DPH6: variants seen among roughly 807,000 people sequenced by gnomAD.
DPH6 encodes diphthine--ammonia ligase.
DPH6 carries 33 observed loss-of-function variants against 38.2 expected under a neutral mutation model. The observed-to-expected ratio is 0.86, with a 90% CI of 0.65 to 1.15. The LOEUF (loss-of-function observed/expected upper bound fraction) is 1.15. DPH6 is among the 50% of genes most tolerant of loss of function. DPH6 has a pLI of 0.00. For synonymous variants in DPH6, 108 were observed against 103.0 expected (o/e 1.05, Z -0.30); for missense variants, 325 against 320.0 (o/e 1.02, Z -0.12).
chr15:35,237,074 G>A, intron 3 of DPH6: 1 of 506,900 alleles, frequency 2.0e-6, no homozygotes, highest in Non-Finnish European at 3.5e-6. Flanking sequence ...CATGCACATA[G>A]GCATTGTTTT....
chr15:35,258,116 G>A (rs1190084765), intron 3 of DPH6, among the ~76,000 whole-genome samples: 1 of 152,034 alleles, frequency 6.6e-6, no homozygotes, highest in Non-Finnish European at 1.5e-5. Context: ...TTTGGGCAAG[G>A]TGTTATTCTT....
chr15:35,177,351 G>T, the DPH6 span, among the ~76,000 whole-genome samples: 1 of 151,770 alleles, frequency 6.6e-6, no homozygotes, highest in Non-Finnish European at 1.5e-5. Flanking sequence ...GAGGTAGGGG[G>T]ATGACTTGAG....
chr15:35,298,655 G>C (rs988757274), intron 3 of DPH6: 2 of 1,295,920 alleles, frequency 1.5e-6, no homozygotes, highest in African/African-American at 2.9e-5. Context: ...CTTCTCCACC[G>C]AAAAGGCGGT....
the DPH6 span, among the ~76,000 whole-genome samples, chr15:35,147,221 G>A: frequency 6.6e-6 from 1 of 152,108 alleles, no homozygotes; most frequent in South Asian, 2.1e-4. Flanking sequence ...GGAGCAGGGA[G>A]GTTATAGAAA....
chr15:35,532,649 C>T (rs1232610080), intron 3 of DPH6, among the ~76,000 whole-genome samples: 1 of 152,040 alleles, frequency 6.6e-6, no homozygotes, highest in Non-Finnish European at 1.5e-5. Context: ...GTTTAGTTTA[C>T]CATGCCAGTG....
chr15:35,231,380 G>A (rs564348039), intron 3 of DPH6, among the ~76,000 whole-genome samples: 19 of 152,334 alleles, frequency 1.2e-4, no homozygotes, highest in Middle Eastern at 6.8e-3. Flanking sequence ...CTGCTTCCGG[G>A]AAATGGAAGG....
At chr15:35,470,296 G>A (rs999417239) in intron 3 of DPH6, among the ~76,000 whole-genome samples, 7 of 152,032 alleles carry the variant, frequency 4.6e-5, no homozygotes, top group Non-Finnish European at 8.8e-5. Context: ...TATCACAGAC[G>A]CCAAGGTCAA....
chr15:35,218,890 T>C (rs1195076082), exon 4 of DPH6: 1 of 152,150 alleles, frequency 6.6e-6, no homozygotes, highest in Non-Finnish European at 1.5e-5. Context: ...GAGTCCATAT[T>C]GAAATCCTTA....
At chr15:35,396,377 C>T (rs2053133182) in intron 6 of DPH6, 1 of 151,860 alleles carries the variant, frequency 6.6e-6, no homozygotes, top group Non-Finnish European at 1.5e-5. Context: ...TAGTCTTGGG[C>T]TTTAACGCTG....
chr15:35,253,684 G>A (rs1294192285), intron 3 of DPH6, among the ~76,000 whole-genome samples: 1 of 152,048 alleles, frequency 6.6e-6, no homozygotes, highest in Non-Finnish European at 1.5e-5. Flanking sequence ...CAATTTTGAC[G>A]CATCTTTTTA....
chr15:35,216,336 A>C (rs1158686865), downstream of DPH6, among the ~76,000 whole-genome samples: 1 of 152,242 alleles, frequency 6.6e-6, no homozygotes, highest in African/African-American at 2.4e-5. Context: ...AGATGTTTTG[A>C]TAGTATATAG....
At chr15:35,388,335 A>G (rs1312615363) in intron 6 of DPH6, among the ~76,000 whole-genome samples, 1 of 152,184 alleles carries the variant, frequency 6.6e-6, no homozygotes, top group Non-Finnish European at 1.5e-5. Flanking sequence ...AGGCTTTGGT[A>G]TCAGGATGAT....
At chr15:35,275,554 G>A (rs2051852193) in intron 3 of DPH6, among the ~76,000 whole-genome samples, 1 of 151,982 alleles carries the variant, frequency 6.6e-6, no homozygotes, top group Admixed American at 6.6e-5. Context: ...CCTGTCAGGG[G>A]GTGGGGAGCA....
At chr15:35,405,720 ACTTC>A (rs2053283132) in intron 6 of DPH6, among the ~76,000 whole-genome samples, 1 of 152,040 alleles carries the variant, frequency 6.6e-6, no homozygotes, top group Middle Eastern at 3.2e-3. Context: ...TCTAGCTAAG[ACTTC>A]CAGTACTATG....
chr15:35,462,443 T>C (rs575176682), intron 3 of DPH6, among the ~76,000 whole-genome samples: 38 of 152,318 alleles, frequency 2.5e-4, no homozygotes, highest in African/African-American at 8.7e-4. Context: ...CACCAACTAC[T>C]GCACTCCCAA....
intron 3 of DPH6, among the ~76,000 whole-genome samples, chr15:35,533,840 C>A (rs1040287002): frequency 2.0e-5 from 3 of 151,878 alleles, no homozygotes; most frequent in Non-Finnish European, 2.9e-5. Flanking sequence ...GCACAGACAG[C>A]CATAATCTAC....
chr15:35,228,367 A>G (rs969221307), intron 3 of DPH6, among the ~76,000 whole-genome samples: 3 of 152,212 alleles, frequency 2.0e-5, no homozygotes, highest in Non-Finnish European at 2.9e-5. Context: ...TTTATACACT[A>G]CAGTTACAGT....
intron 3 of DPH6, among the ~76,000 whole-genome samples, chr15:35,470,001 C>T (rs948301973): frequency 2.0e-5 from 3 of 152,096 alleles, no homozygotes; most frequent in African/African-American, 7.2e-5. Context: ...AGTTTGAGAC[C>T]AGCCTGGCCA....
At chr15:35,510,405 T>C (rs1440504027) in intron 3 of DPH6, among the ~76,000 whole-genome samples, 6 of 152,350 alleles carry the variant, frequency 3.9e-5, no homozygotes, top group African/African-American at 7.2e-5. Flanking sequence ...TAGGAAATTA[T>C]GGATTTCTTT....
Sources: gnomAD v4.1 joint callset for allele counts (sites outside exome capture counted in the v4.1 genomes callset) on GRCh38, gnomAD v4.1.1 for gene constraint, MANE v1.5 for transcripts, NCBI Gene and HGNC (gene_info 2026-07-23, HGNC 2026-07-21) for gene names.